UBR3: variants seen among roughly 807,000 people sequenced by gnomAD.
UBR3 encodes the protein ubiquitin protein ligase E3 component n-recognin 3, also known as E3 ubiquitin-protein ligase UBR3.
In UBR3, 85 loss-of-function variants were observed where a neutral mutation model predicts 243.2. That is an observed-to-expected ratio of 0.35 (90% CI 0.29 to 0.42). The LOEUF (loss-of-function observed/expected upper bound fraction) is 0.42, where lower values mean the gene tolerates loss of function less well. Ranked by LOEUF, UBR3 falls within the 10% of genes least tolerant of loss-of-function variation. The pLI is 1.00. For synonymous variants in UBR3, 748 were observed against 799.8 expected (o/e 0.94, Z 1.09); for missense variants, 1,686 against 2,300.8 (o/e 0.73, Z 5.47).
chr2:169,844,338 G>T (rs1242989202), intron 1 of UBR3, among the ~76,000 whole-genome samples: 2 of 152,008 alleles, frequency 1.3e-5, no homozygotes, highest in African/African-American at 4.8e-5. Flanking sequence ...CATTTATTCA[G>T]TACTTTTTTT....
chr2:170,041,668 T>G (rs1198889749), intron 32 of UBR3, among the ~76,000 whole-genome samples: 1 of 152,186 alleles, frequency 6.6e-6, no homozygotes, highest in Non-Finnish European at 1.5e-5. Flanking sequence ...TCTTCTGTAT[T>G]AGAAAACTAG....
intron 27 of UBR3, among the ~76,000 whole-genome samples, chr2:170,005,151 G>C (rs1368712661): frequency 6.6e-6 from 1 of 152,184 alleles, no homozygotes; most frequent in Non-Finnish European, 1.5e-5. Flanking sequence ...ATGAACCCTG[G>C]AGGCGGAGTT....
chr2:169,854,753 C>T (rs1302634325), intron 1 of UBR3, among the ~76,000 whole-genome samples: 3 of 151,844 alleles, frequency 2.0e-5, no homozygotes, highest in Admixed American at 6.6e-5. Flanking sequence ...TGAATTCAAG[C>T]TAACATAGTT....
At chr2:170,058,676 T>G (rs536687044) in intron 33 of UBR3, among the ~76,000 whole-genome samples, 1 of 152,036 alleles carries the variant, frequency 6.6e-6, no homozygotes, top group East Asian at 1.9e-4. Flanking sequence ...CCACCACACC[T>G]GGCTAACTTT....
At chr2:169,893,856 G>A (rs988527029) in intron 6 of UBR3, among the ~76,000 whole-genome samples, 3 of 151,990 alleles carry the variant, frequency 2.0e-5, no homozygotes, top group Non-Finnish European at 2.9e-5. Context: ...CCACTGTGCC[G>A]AGCCTATATT....
At chr2:169,925,878 C>A in intron 14 of UBR3, 131 bp downstream of exon 14, 1 of 900,238 alleles carries the variant, frequency 1.1e-6, no homozygotes, top group Non-Finnish European at 1.6e-6. Flanking sequence ...TTTTTACTTA[C>A]ATTTCCCAGG....
At chr2:169,923,869 A>G (rs145661220) in intron 11 of UBR3, 60 bp from the exon 12 acceptor site, 120 of 1,382,782 alleles carry the variant, frequency 8.7e-5, no homozygotes, top group Non-Finnish European at 1.1e-4. Flanking sequence ...ACATTTTACA[A>G]CCATCTTAAA....
intron 1 of UBR3, among the ~76,000 whole-genome samples, chr2:169,866,802 C>T (rs187409261): frequency 4.6e-4 from 70 of 152,326 alleles, no homozygotes; most frequent in African/African-American, 1.5e-3. Context: ...GAGGAGGCTG[C>T]TCAGGCTCTG....
chr2:169,906,215 G>A, intron 10 of UBR3, 51 bp downstream of exon 10: 1 of 1,502,936 alleles, frequency 6.7e-7, no homozygotes, highest in Non-Finnish European at 8.9e-7. Flanking sequence ...AAAGACTTGT[G>A]AAAATATTGG....
At position 169,993,166 on chromosome 2, in the gene UBR3, C is replaced by T. The variant is rs546581875; in HGVS notation, c.3785-1157C>T. 1.1e-4 allele frequency among the ~76,000 whole-genome samples: 16 copies of T among 152,220 alleles called. No homozygotes were observed. In the South Asian group the frequency reaches 3.3e-3, roughly 32 times the overall value. Reference sequence around the variant, plus strand: ...ATTCAGATTCTCTCAGTTGTCCCTGCAATATTTTTTGTTTCTTATTTACTT... The same window carrying T: ...ATTCAGATTCTCTCAGTTGTCCCTGTAATATTTTTTGTTTCTTATTTACTT... On this transcript the variant is annotated intron_variant, in intron 25 of 38. Coordinates refer to ENST00000272793, the MANE Select transcript of UBR3 (RefSeq NM_172070.4).
chr2:170,056,009 T>C (rs867628543), intron 33 of UBR3, among the ~76,000 whole-genome samples: 8,074 of 123,822 alleles, frequency 0.065, 90 homozygotes, highest in South Asian at 0.08. Flanking sequence ...CTTTCTTTTT[T>C]TTTTTTTTTT....
In UBR3 at chr2:169,949,975, T is replaced by A. The variant is rs1224778171; in HGVS notation, c.3455T>A (p.Ile1152Asn). Residue 1152 changes from isoleucine (I) to asparagine (N), a missense_variant, in exon 23 of 39, where the codon ATC becomes AAC. Physicochemically the swap from Ile to Asn is moderately radical, Grantham distance 149. Transcript: ENST00000272793. Reference sequence around the variant, plus strand: ...TCGCAAAGTAGAATGAACAAACGCATCATTGAAGAGATATGTAGAAAAGTG... The same window carrying A: ...TCGCAAAGTAGAATGAACAAACGCAACATTGAAGAGATATGTAGAAAAGTG... ...AASQSRMNKR[I>N]IEEICRKVTP... 5 of 1,613,498 alleles carry A rather than the reference T, an allele frequency of 3.1e-6. No homozygotes were observed. The highest frequency in any genetic ancestry group is 1.7e-5 in the Admixed American group (1 of 59,954).
At chr2:170,021,022 G>A (rs934050583) in intron 30 of UBR3, among the ~76,000 whole-genome samples, 8 of 152,100 alleles carry the variant, frequency 5.3e-5, no homozygotes, top group African/African-American at 1.7e-4. Flanking sequence ...TTTGAGATAG[G>A]TGAGGAGTTT....
At chr2:169,921,151 A>G (rs763015922) in intron 11 of UBR3, among the ~76,000 whole-genome samples, 19 of 152,220 alleles carry the variant, frequency 1.2e-4, no homozygotes, top group Non-Finnish European at 2.2e-4. Context: ...GAATCTGGAG[A>G]AGAAATATTG....
chr2:169,901,737 C>T (rs1490125610), intron 8 of UBR3, among the ~76,000 whole-genome samples: 1 of 152,174 alleles, frequency 6.6e-6, no homozygotes, highest in Non-Finnish European at 1.5e-5. Context: ...TTCCTACCTT[C>T]TACTTTTACT....
chr2:169,850,280 G>A (rs1204664418), intron 1 of UBR3, among the ~76,000 whole-genome samples: 1 of 144,000 alleles, frequency 6.9e-6, no homozygotes, highest in East Asian at 2.2e-4. Context: ...CTGGGCTCAA[G>A]CAATCCTCCC....
rs1046730095 is a variant in UBR3 at position 169,838,119 on chromosome 2, A to T, written c.545+10067A>T. On this transcript the variant is annotated intron_variant, in intron 1 of 38. Transcript: ENST00000272793. ...CAAGTTCTCTGGAAAACTTCTGTTA[A>T]GATGTTGACTGGCATCACATTAAAT... is the stretch of plus-strand genomic sequence containing the variant. Among the ~76,000 whole-genome samples, 3 of 152,322 alleles carry T rather than the reference A, an allele frequency of 2.0e-5. No individual in the cohort carries two copies. In the East Asian group the frequency reaches 5.8e-4, roughly 29 times the overall value.
intron 36 of UBR3, among the ~76,000 whole-genome samples, chr2:170,076,529 AC>A (rs1345754805): frequency 1.3e-5 from 2 of 152,212 alleles, no homozygotes; most frequent in African/African-American, 4.8e-5. Flanking sequence ...TTGTACTCAC[AC>A]CCAGATGGCC....
intron 30 of UBR3, among the ~76,000 whole-genome samples, chr2:170,021,739 A>G (rs1028675860): frequency 1.3e-5 from 2 of 152,312 alleles, no homozygotes; most frequent in East Asian, 1.9e-4. Flanking sequence ...AGAACAAAAT[A>G]CATTGTTAAT....
Sources: gnomAD v4.1 joint callset for allele counts (sites outside exome capture counted in the v4.1 genomes callset) on GRCh38, gnomAD v4.1.1 for gene constraint, MANE v1.5 for transcripts, NCBI Gene and HGNC (gene_info 2026-07-23, HGNC 2026-07-21) for gene names.